CNTLN: variants seen among roughly 807,000 people sequenced by gnomAD.
The protein encoded by CNTLN is centlein.
In CNTLN, 212 loss-of-function variants were observed where a neutral mutation model predicts 180.0. The observed-to-expected ratio is 1.18, with a 90% CI of 1.05 to 1.32. The LOEUF is 1.32. CNTLN is among the 40% of genes most tolerant of loss of function. The pLI is 0.00. For synonymous variants in CNTLN, 722 were observed against 563.1 expected (o/e 1.28, Z -3.99); for missense variants, 2,095 against 1,610.9 (o/e 1.30, Z -5.14).
At chr9:17,449,866 A>G (rs948983312) in intron 18 of CNTLN, among the ~76,000 whole-genome samples, 1 of 152,256 alleles carries the variant, frequency 6.6e-6, no homozygotes, top group Non-Finnish European at 1.5e-5. Context: ...AATTAAAAGT[A>G]CTTGTTAAAT....
At chr9:17,354,133 C>T (rs1023136508) in intron 12 of CNTLN, among the ~76,000 whole-genome samples, 1 of 152,202 alleles carries the variant, frequency 6.6e-6, no homozygotes, top group Non-Finnish European at 1.5e-5. Context: ...CCCACCGGCG[C>T]TGCGCTCAAT....
chr9:17,519,940 C>G, the CNTLN span, among the ~76,000 whole-genome samples: 1 of 152,186 alleles, frequency 6.6e-6, no homozygotes, highest in African/African-American at 2.4e-5. Context: ...CTAAATAACC[C>G]TCAGGAATCG....
At chr9:17,281,368 G>C (rs1828651726) in intron 6 of CNTLN, among the ~76,000 whole-genome samples, 2 of 152,012 alleles carry the variant, frequency 1.3e-5, no homozygotes, top group African/African-American at 4.8e-5. Context: ...GTGGTTTGCA[G>C]CACCTATCAA....
chr9:17,338,336 TG>T (rs1166517805), intron 10 of CNTLN, among the ~76,000 whole-genome samples: 1 of 126,950 alleles, frequency 7.9e-6, no homozygotes, highest in East Asian at 2.2e-4. Context: ...GGCTAATTTT[TG>T]TTTTTTTTTT....
chr9:17,302,279 C>G (rs1313997528), intron 7 of CNTLN, among the ~76,000 whole-genome samples: 1 of 152,038 alleles, frequency 6.6e-6, no homozygotes, highest in African/African-American at 2.4e-5. Flanking sequence ...TCACTGCAAC[C>G]TCTGCCTCCC....
intron 25 of CNTLN, among the ~76,000 whole-genome samples, chr9:17,493,371 A>T (rs10810793): frequency 0.61 from 92,750 of 151,798 alleles, 28,435 homozygotes; most frequent in Admixed American, 0.66. Flanking sequence ...AAGAGCCAAA[A>T]TAGTATAGTC....
At chr9:17,219,356 A>T (rs962013228) in intron 2 of CNTLN, among the ~76,000 whole-genome samples, 49 of 151,888 alleles carry the variant, frequency 3.2e-4, no homozygotes, top group African/African-American at 1.1e-3. Context: ...ATATTTAAAA[A>T]TTTTATTTTT....
chr9:17,406,415 G>A (rs1827394996), intron 15 of CNTLN, among the ~76,000 whole-genome samples: 1 of 151,728 alleles, frequency 6.6e-6, no homozygotes, highest in African/African-American at 2.4e-5. Flanking sequence ...GCTGAAAGCA[G>A]GAACTTTTAA....
At chr9:17,350,495 G>A (rs1487407398) in intron 12 of CNTLN, among the ~76,000 whole-genome samples, 1 of 152,124 alleles carries the variant, frequency 6.6e-6, no homozygotes, top group African/African-American at 2.4e-5. Context: ...AATAATAAGA[G>A]AATATTAGGG....
At position 17,352,409 on chromosome 9, in the gene CNTLN, TA is replaced by T. The variant is rs1364719240; in HGVS notation, c.1886+9966del. Among the ~76,000 whole-genome samples, 145 of 20,446 alleles carry T rather than the reference TA, an allele frequency of 7.1e-3. 1 individual carries two copies. Among genetic ancestry groups the T allele is most frequent in the East Asian group, 0.031 (9 of 290 alleles). The allele number at this position is 20,446 out of a possible 152,430, so 13.4% of individuals were successfully genotyped here. A position where few individuals can be genotyped will look rare whatever the true frequency, so the allele number is the denominator to read the frequency against. ...GCTAGAATATATATATATATATATA[TA>T]TATATATTTTTTTTTTTTTTGGTAT... On this transcript the variant is annotated intron_variant, in intron 12 of 25. Transcript: ENST00000380647.
the CNTLN span, among the ~76,000 whole-genome samples, chr9:17,525,055 A>G: frequency 6.6e-6 from 1 of 152,170 alleles, no homozygotes; most frequent in South Asian, 2.1e-4. Flanking sequence ...AATAACATAG[A>G]CATTGTTGGA....
rs145927195 is a variant in CNTLN, at chr9:17,407,274, A to C, written c.2616-2019A>C. ...AATAAATCCTAAGTAAGGTTCTGGGACATTATAAAAGAATACTTTGTGAAT... is the reference window on the plus strand; with the variant it reads ...AATAAATCCTAAGTAAGGTTCTGGGCCATTATAAAAGAATACTTTGTGAAT... On this transcript the variant is annotated intron_variant, in intron 15 of 25. Transcript: ENST00000380647. Among the ~76,000 whole-genome samples the C allele has an allele frequency of 9.8e-5, 15 of 152,354 alleles. No individual in the cohort carries two copies. In the East Asian group the frequency reaches 2.9e-3, roughly 29 times the overall value.
the CNTLN span, among the ~76,000 whole-genome samples, chr9:17,514,019 G>GA: frequency 6.6e-6 from 1 of 151,938 alleles, no homozygotes; most frequent in African/African-American, 2.4e-5. Flanking sequence ...AGAAGTGGTA[G>GA]AAAGTCAGCC....
intron 18 of CNTLN, 71 bp from the exon 19 acceptor site, chr9:17,457,453 T>C: frequency 1.2e-6 from 1 of 820,710 alleles, no homozygotes; most frequent in Non-Finnish European, 1.7e-6. Context: ...AATTTTATGC[T>C]GATAATTGTT....
Position 17,502,653 on chromosome 9 carries a change from T to C in CNTLN, c.*1T>C, listed in dbSNP as rs1196869844. 5.9e-6 allele frequency: 7 copies of C among 1,185,780 alleles called. No individual in the cohort carries two copies. The highest frequency in any genetic ancestry group is 8.3e-6 in the Non-Finnish European group (7 of 846,336). 73.5% of individuals were successfully genotyped at this position (1,185,780 alleles called of 1,614,324 possible). A position where few individuals can be genotyped will look rare whatever the true frequency, so the allele number is the denominator to read the frequency against. ...CACAATTATGAAAGATATTAGATGATATTAAAATGGAGAGCTTTATTGCAA... is the reference window on the plus strand; with the variant it reads ...CACAATTATGAAAGATATTAGATGACATTAAAATGGAGAGCTTTATTGCAA... On this transcript the variant is annotated 3_prime_UTR_variant, in exon 26 of 26. Transcript: ENST00000380647.
chr9:17,520,386 A>G, the CNTLN span, among the ~76,000 whole-genome samples: 1 of 152,196 alleles, frequency 6.6e-6, no homozygotes, highest in African/African-American at 2.4e-5. Flanking sequence ...GATCAGAGAA[A>G]CAGTCCCTTA....
chr9:17,421,254 C>G (rs796124079), intron 18 of CNTLN, among the ~76,000 whole-genome samples: 1 of 152,086 alleles, frequency 6.6e-6, no homozygotes, highest in African/African-American at 2.4e-5. Flanking sequence ...TACTCCGGTG[C>G]TGGATATATA....
At chr9:17,413,397 G>T (rs1489992759) in intron 16 of CNTLN, among the ~76,000 whole-genome samples, 1 of 151,968 alleles carries the variant, frequency 6.6e-6, no homozygotes, top group East Asian at 1.9e-4. Flanking sequence ...ATCCATAAAA[G>T]AAAACAACAG....
intron 18 of CNTLN, among the ~76,000 whole-genome samples, chr9:17,446,205 C>G (rs1242154296): frequency 6.6e-6 from 1 of 152,142 alleles, no homozygotes; most frequent in Admixed American, 6.5e-5. Flanking sequence ...ATGCTGAACG[C>G]TGGTTCCCCG....
Sources: allele counts gnomAD v4.1 joint callset (sites outside exome capture counted in the v4.1 genomes callset), GRCh38; gene constraint gnomAD v4.1.1; transcripts MANE v1.5; gene names NCBI Gene and HGNC (gene_info 2026-07-23, HGNC 2026-07-21).